Variants in PRMT8 observed in about 807,000 individuals in gnomAD.
The protein encoded by PRMT8 is protein arginine methyltransferase 8.
Under a neutral mutation model 47.1 loss-of-function variants are expected in PRMT8, and 7 were observed. The observed-to-expected ratio is 0.15, with a 90% CI of 0.08 to 0.28. PRMT8 has a LOEUF of 0.28. PRMT8 is among the 10% of genes least tolerant of loss of function. The pLI is 1.00. For synonymous variants in PRMT8, 188 were observed against 186.5 expected (o/e 1.01, Z -0.07); for missense variants, 237 against 505.4 (o/e 0.47, Z 5.09).
rs1224131311 is a variant in PRMT8, at chr12:3,491,706, G to A, written c.75+6G>A. The stretch of plus-strand genomic sequence containing the variant: ...ACGCGGCCGAGAGCACCGAGGTAAG[G>A]AGGCGAGCGAGCAGGGGCTCTCGGA... On this transcript the variant is annotated splice_donor_region_variant and intron_variant, in intron 1 of 9. Coordinates refer to ENST00000382622, the MANE Select transcript of PRMT8 (RefSeq NM_019854.5). The A allele has an allele frequency of 6.2e-7, 1 of 1,606,428 alleles. No individual in the cohort carries two copies. The highest frequency in any genetic ancestry group is 8.5e-7 in the Non-Finnish European group (1 of 1,178,816).
chr12:3,542,310 C>T (rs781526511), intron 2 of PRMT8, among the ~76,000 whole-genome samples: 2 of 152,152 alleles, frequency 1.3e-5, no homozygotes, highest in Non-Finnish European at 2.9e-5. Context: ...CCCAGGAGGG[C>T]CTGGACAGCT....
chr12:3,554,056 C>T (rs1866478925), intron 4 of PRMT8, among the ~76,000 whole-genome samples: 1 of 152,196 alleles, frequency 6.6e-6, no homozygotes, highest in African/African-American at 2.4e-5. Context: ...CTCCTCTTCC[C>T]TCCCTCTCCA....
chr12:3,553,603 C>T, intron 3 of PRMT8, 48 bp from the exon 4 acceptor site: 10 of 1,473,616 alleles, frequency 6.8e-6, no homozygotes, highest in Non-Finnish European at 9.5e-6. Context: ...GTGGGTCTTG[C>T]TGTGATTTTT....
At chr12:3,579,885 C>T (rs1199881806) in intron 7 of PRMT8, among the ~76,000 whole-genome samples, 1 of 152,126 alleles carries the variant, frequency 6.6e-6, no homozygotes. Flanking sequence ...CCCTCTGCTT[C>T]AAGCGGGTCA....
chr12:3,592,443 C>A, intron 9 of PRMT8, 91 bp downstream of exon 9: 1 of 1,402,570 alleles, frequency 7.1e-7, no homozygotes, highest in South Asian at 1.4e-5. Flanking sequence ...TTAAGTGTCT[C>A]ATGAACAGTC....
In PRMT8 at chr12:3,564,626, G is replaced by A. The variant is rs75038181; in HGVS notation, c.482-4080G>A. The stretch of plus-strand genomic sequence containing the variant: ...ACCAGCCAGAGTCCTGTCATAGTTC[G>A]TTGAACAAACTTTCCATCATCCTTC... On this transcript the variant is annotated intron_variant, in intron 4 of 9. Coordinates refer to ENST00000382622, the MANE Select transcript of PRMT8 (RefSeq NM_019854.5). The surrounding 1 kb of genome is among the most constrained non-coding windows in gnomAD (Gnocchi z 4.0). Among the ~76,000 whole-genome samples the A allele has an allele frequency of 2.0e-5, 3 of 152,304 alleles. No individual in the cohort carries two copies. Among genetic ancestry groups the A allele is most frequent in the South Asian group, 2.1e-4 (1 of 4,826 alleles).
chr12:3,549,509 TTA>T (rs1491233151), intron 2 of PRMT8, among the ~76,000 whole-genome samples: 28 of 145,818 alleles, frequency 1.9e-4, no homozygotes, highest in South Asian at 6.4e-4. Context: ...TTTTTTTTTT[TTA>T]AAAAAAAGGC....
At chr12:3,575,049 A>T (rs1015063677) in intron 6 of PRMT8, among the ~76,000 whole-genome samples, 1 of 152,200 alleles carries the variant, frequency 6.6e-6, no homozygotes, top group Non-Finnish European at 1.5e-5. Flanking sequence ...CCCACGAAGT[A>T]GGTTTTAATT....
chr12:3,418,976 G>A (rs1484589087), intron 1 of PRMT8, among the ~76,000 whole-genome samples: 2 of 152,224 alleles, frequency 1.3e-5, no homozygotes, highest in African/African-American at 4.8e-5. Flanking sequence ...TGTATAGAAT[G>A]TGATGAATCA....
At chr12:3,462,366 AG>A (rs1865051481) in intron 1 of PRMT8, among the ~76,000 whole-genome samples, 1 of 152,054 alleles carries the variant, frequency 6.6e-6, no homozygotes, top group Non-Finnish European at 1.5e-5. Context: ...TAAAGGCAAA[AG>A]AAGGGGGCAG....
At chr12:3,426,381 A>C (rs1347546929) in intron 1 of PRMT8, among the ~76,000 whole-genome samples, 6 of 152,228 alleles carry the variant, frequency 3.9e-5, no homozygotes, top group Admixed American at 3.9e-4. Flanking sequence ...TGGTGGGGGC[A>C]GTCCATCCTT....
intron 1 of PRMT8, among the ~76,000 whole-genome samples, chr12:3,452,036 G>A (rs1864924110): frequency 3.3e-5 from 5 of 152,128 alleles, no homozygotes; most frequent in Non-Finnish European, 7.4e-5. Context: ...TTTTCTTTAG[G>A]AAGAAAGTGC....
chr12:3,556,378 G>A (rs753823798), intron 4 of PRMT8, among the ~76,000 whole-genome samples: 6 of 152,044 alleles, frequency 3.9e-5, no homozygotes, highest in Non-Finnish European at 7.4e-5. Flanking sequence ...AGATGCAGTC[G>A]GTTGAAGGGC....
chr12:3,417,500 A>C (rs1864495559), intron 1 of PRMT8, among the ~76,000 whole-genome samples: 1 of 152,230 alleles, frequency 6.6e-6, no homozygotes, highest in East Asian at 1.9e-4. Flanking sequence ...AGCTTTTAAA[A>C]GGCATCCAAA....
chr12:3,551,307 C>G (rs891264882), intron 3 of PRMT8: 1 of 152,260 alleles, frequency 6.6e-6, no homozygotes, highest in African/African-American at 2.4e-5. Flanking sequence ...CGTTCTCAGC[C>G]GAGGCACTTG....
In PRMT8 at chr12:3,583,015, G is replaced by GACCCA; in HGVS notation, c.829-43_829-42insACCCA. 6.3e-7 allele frequency: 1 copy of GACCCA among 1,594,262 alleles called. No homozygotes were observed. Among genetic ancestry groups the GACCCA allele is most frequent in the Non-Finnish European group, 8.6e-7 (1 of 1,168,442 alleles). On this transcript the variant is annotated intron_variant, in intron 7 of 9. Transcript: ENST00000382622. This position sits in a 1 kb window ranked among gnomAD's most constrained non-coding sequence, Gnocchi z 4.7. ...CTGCTGACCGGGACCCAGACTTGGT[G>GACCCA]GAGGCGATAAGTTCCCGGCATTCTC...
chr12:3,444,388 A>G (rs761113526), intron 1 of PRMT8, among the ~76,000 whole-genome samples: 7 of 152,190 alleles, frequency 4.6e-5, no homozygotes, highest in Non-Finnish European at 1.0e-4. Context: ...AGCCCAGGTA[A>G]CAGCCTGGAG....
In PRMT8 at chr12:3,580,908, G is replaced by A. The variant is rs1382289001; in HGVS notation, c.829-2150G>A. On this transcript the variant is annotated intron_variant, in intron 7 of 9. Coordinates refer to ENST00000382622, the MANE Select transcript of PRMT8 (RefSeq NM_019854.5). The surrounding 1 kb of genome is among the most constrained non-coding windows in gnomAD (Gnocchi z 4.6). Reference sequence around the variant, plus strand: ...GCTGGAGGACACCTGTGGACAGCATGTGGCCATGTGGCTGGGAGGGATAAT... The same window carrying A: ...GCTGGAGGACACCTGTGGACAGCATATGGCCATGTGGCTGGGAGGGATAAT... 6.6e-6 allele frequency among the ~76,000 whole-genome samples: 1 copy of A among 152,230 alleles called. No homozygotes were observed. Among genetic ancestry groups the A allele is most frequent in the Non-Finnish European group, 1.5e-5 (1 of 68,044 alleles).
In PRMT8 at chr12:3,566,411, T is replaced by G. The variant is rs1037810561; in HGVS notation, c.482-2295T>G. 6.6e-6 allele frequency among the ~76,000 whole-genome samples: 1 copy of G among 152,170 alleles called. No individual in the cohort carries two copies. The highest frequency in any genetic ancestry group is 1.5e-5 in the Non-Finnish European group (1 of 68,020). On this transcript the variant is annotated intron_variant, in intron 4 of 9. Coordinates refer to ENST00000382622, the MANE Select transcript of PRMT8 (RefSeq NM_019854.5). The surrounding 1 kb of genome is among the most constrained non-coding windows in gnomAD (Gnocchi z 4.7). ...GGAGAATAGCTCTTCCTGCTCATAC[T>G]TTTTAATGGTAGGGGCTTTTGAGCA...
Sources: allele counts gnomAD v4.1 joint callset (sites outside exome capture counted in the v4.1 genomes callset), GRCh38; gene constraint gnomAD v4.1.1; non-coding constraint Gnocchi (gnomAD v3.1); transcripts MANE v1.5; gene names NCBI Gene and HGNC (gene_info 2026-07-23, HGNC 2026-07-21).